ATRX: variants seen among roughly 807,000 people sequenced by gnomAD.
ATRX encodes the protein chromatin remodeler ATRX.
A neutral mutation model predicts 172.6 loss-of-function variants in ATRX; 12 were observed. The ratio of observed to expected loss-of-function variants is 0.07; its 90% CI spans 0.04 to 0.11. The LOEUF (loss-of-function observed/expected upper bound fraction) is 0.11. ATRX is among the 10% of genes least tolerant of loss of function. The probability of loss-of-function intolerance (pLI) is 1.00; values close to 1 mark genes in which losing one functional copy is unlikely to be tolerated. For synonymous variants in ATRX, 674 were observed against 594.7 expected, an observed-to-expected ratio of 1.13 and a Z score of -1.94; for missense variants, 1,368 against 1,767.4, an observed-to-expected ratio of 0.77 and a Z score of 4.05.
intron 10 of ATRX, among the ~76,000 whole-genome samples, chrX:77,671,017 G>A (rs1288285980): frequency 2.0e-5 from 2 of 101,318 alleles, no homozygotes; most frequent in Non-Finnish European, 4.0e-5. Flanking sequence ...GTGTGCTGGC[G>A]GGTGCCTGTA....
chrX:77,528,936 G>A (rs1311406301), intron 30 of ATRX, among the ~76,000 whole-genome samples: 1 of 112,221 alleles, frequency 8.9e-6, no homozygotes, highest in Non-Finnish European at 1.9e-5. Flanking sequence ...TACAGGAGCT[G>A]ATAGCAAGAA....
intron 30 of ATRX, among the ~76,000 whole-genome samples, chrX:77,546,511 G>A (rs1364975501): frequency 9.9e-6 from 1 of 100,696 alleles, no homozygotes; most frequent in Non-Finnish European, 2.0e-5. Flanking sequence ...TTTTTTTTTT[G>A]AGACAGGGTC....
intron 9 of ATRX, among the ~76,000 whole-genome samples, chrX:77,677,300 T>TAA (rs1557134164): frequency 9.0e-6 from 1 of 111,409 alleles, no homozygotes; most frequent in East Asian, 2.8e-4. Flanking sequence ...GGTATTATAC[T>TAA]AAGTGAAAAA....
rs782363698 is a variant in ATRX, at chrX:77,696,686, T to C, written c.261A>G (p.Thr87=). The C allele has an allele frequency of 2.5e-6, 3 of 1,197,819 alleles. No homozygotes were observed. The highest frequency in any genetic ancestry group is 3.6e-5 in the South Asian group (2 of 56,110). ...SRSKRKPSIV[T]KYVESDDEKP... is the part of the protein sequence containing the mutation. Reference sequence around the variant, plus strand: ...TTTCATCATCTGATTCTACATACTTTGTTACAATTGAAGGTTTCCTATGAA... The same window carrying C: ...TTTCATCATCTGATTCTACATACTTCGTTACAATTGAAGGTTTCCTATGAA... Residue 87 remains threonine, a synonymous_variant, in exon 5 of 35, where the codon ACA becomes ACG. Transcript: ENST00000373344.
chrX:77,579,280 T>C (rs893429894), intron 27 of ATRX, among the ~76,000 whole-genome samples: 20 of 112,334 alleles, frequency 1.8e-4, no homozygotes, highest in Middle Eastern at 4.7e-3. Flanking sequence ...GTACAGCCCT[T>C]GGGCCTTGAG....
chrX:77,781,874 A>C (rs782401095), intron 1 of ATRX, among the ~76,000 whole-genome samples: 1 of 112,316 alleles, frequency 8.9e-6, no homozygotes, highest in South Asian at 3.7e-4. Flanking sequence ...TACCCAACCC[A>C]TAAGTTTATT....
chrX:77,763,720 C>G (rs1557194078), intron 1 of ATRX, among the ~76,000 whole-genome samples: 1 of 108,812 alleles, frequency 9.2e-6, no homozygotes, highest in Non-Finnish European at 1.9e-5. Context: ...CTACCTGCCT[C>G]AGCCTCCCAA....
At chrX:77,767,256 A>G (rs977143667) in intron 1 of ATRX, among the ~76,000 whole-genome samples, 2 of 104,465 alleles carry the variant, frequency 1.9e-5, no homozygotes, top group African/African-American at 7.0e-5. Context: ...AGAGGGAGAG[A>G]GGGAGAGAGG....
rs782610970 is a variant in ATRX at position 77,618,649 on chromosome X, A to T, written c.5448+157T>A. Among the ~76,000 whole-genome samples, 5 of 112,208 alleles carry T rather than the reference A, an allele frequency of 4.5e-5. No individual in the cohort carries two copies. In the South Asian group the frequency reaches 1.8e-3, roughly 41 times the overall value. ...TTTTTAAAAGTTGAATGCAGCAGAAATTTTTTAAGACAACGCAAGGAGATA... is the reference window on the plus strand; with the variant it reads ...TTTTTAAAAGTTGAATGCAGCAGAATTTTTTTAAGACAACGCAAGGAGATA... On this transcript the variant is annotated intron_variant, in intron 21 of 34. Coordinates refer to ENST00000373344, the MANE Select transcript of ATRX (RefSeq NM_000489.6).
chrX:77,533,559 T>C (rs1360246822), intron 30 of ATRX, among the ~76,000 whole-genome samples: 2 of 111,274 alleles, frequency 1.8e-5, no homozygotes, highest in East Asian at 5.7e-4. Flanking sequence ...ATGTTCTCAC[T>C]TATAAAGTGG....
chrX:77,743,585 G>T (rs1603299136), intron 1 of ATRX, among the ~76,000 whole-genome samples: 1 of 111,425 alleles, frequency 9.0e-6, no homozygotes, highest in Admixed American at 9.6e-5. Context: ...TACCAGTACC[G>T]CCTCAGCTGC....
chrX:77,533,035 A>T (rs2063632063), intron 30 of ATRX, among the ~76,000 whole-genome samples: 1 of 112,587 alleles, frequency 8.9e-6, no homozygotes, highest in Non-Finnish European at 1.9e-5. Flanking sequence ...AAACATATGA[A>T]AAAAAGCTCA....
At chrX:77,767,289 G>T (rs934457616) in intron 1 of ATRX, among the ~76,000 whole-genome samples, 2 of 109,331 alleles carry the variant, frequency 1.8e-5, no homozygotes, top group Non-Finnish European at 3.8e-5. Flanking sequence ...GGGGGAGAGA[G>T]GTAGAGGGAG....
intron 1 of ATRX, among the ~76,000 whole-genome samples, chrX:77,764,060 T>A (rs1384863751): frequency 9.0e-6 from 1 of 110,732 alleles, no homozygotes; most frequent in Non-Finnish European, 1.9e-5. Context: ...GCTGCAGTGA[T>A]CCAAGATCAT....
intron 25 of ATRX, among the ~76,000 whole-genome samples, chrX:77,598,121 T>C (rs1243881734): frequency 8.9e-6 from 1 of 111,759 alleles, no homozygotes; most frequent in East Asian, 2.8e-4. Flanking sequence ...AACAAAATCA[T>C]GTCCTTTGCA....
chrX:77,777,828 C>A (rs782145265), intron 1 of ATRX, among the ~76,000 whole-genome samples: 2 of 111,173 alleles, frequency 1.8e-5, no homozygotes, highest in South Asian at 7.5e-4. Flanking sequence ...AAATCCTACA[C>A]AATCTTATTT....
intron 34 of ATRX, among the ~76,000 whole-genome samples, chrX:77,513,316 C>CAAAAAAAAAA (rs1217104194): frequency 3.9e-5 from 1 of 25,664 alleles, no homozygotes. Context: ...GACTCCGTCT[C>CAAAAAAAAAA]AAAAAAAAAA....
intron 1 of ATRX, among the ~76,000 whole-genome samples, chrX:77,773,786 CA>C (rs2076250387): frequency 9.1e-6 from 1 of 110,022 alleles, no homozygotes; most frequent in Admixed American, 9.8e-5. Context: ...CATTCTAAAA[CA>C]TAGTAAAAGC....
intron 30 of ATRX, among the ~76,000 whole-genome samples, chrX:77,540,718 T>C (rs1428346646): frequency 8.9e-6 from 1 of 111,820 alleles, no homozygotes; most frequent in Non-Finnish European, 1.9e-5. Context: ...GAATGACTAC[T>C]GGGTAAATAA....
Sources: allele counts gnomAD v4.1 joint callset (sites outside exome capture counted in the v4.1 genomes callset), GRCh38; gene constraint gnomAD v4.1.1; transcripts MANE v1.5; gene names NCBI Gene and HGNC (gene_info 2026-07-23, HGNC 2026-07-21).